The following MCM9 variants were observed in gnomAD, a reference collection of about 807,000 sequenced individuals.
MCM9 encodes DNA helicase MCM9.
A neutral mutation model predicts 72.8 loss-of-function variants in MCM9; 55 were observed. That is an observed-to-expected ratio of 0.76 (90% CI 0.61 to 0.95). MCM9 has a LOEUF of 0.95. MCM9 is among the 40% of genes least tolerant of loss of function. MCM9 has a pLI of 0.00. For missense variants in MCM9, 1,279 were observed against 1,377.0 expected, an observed-to-expected ratio of 0.93 and a Z score of 1.13; for synonymous variants, 480 against 503.4, an observed-to-expected ratio of 0.95 and a Z score of 0.62.
In MCM9 at chr6:118,911,670, C is replaced by T. The variant is rs748606557; in HGVS notation, c.1130G>A (p.Gly377Glu). Residue 377 changes from glycine to glutamate, a missense_variant, in exon 8 of 14, where the codon GGA (glycine) becomes GAA (glutamate). Gly to Glu is a moderately conservative substitution (Grantham distance 98). Transcript: ENST00000619706. Reference protein sequence around the residue: ...KITPRSVLTTGIGSTSAGLTV... With the variant: ...KITPRSVLTTEIGSTSAGLTV... ...AATACCTGCACTAGTAGATCCAATT[C>T]CTGTGGTCAGCACAGATCTTGGTGT... The T allele has an allele frequency of 6.2e-7, 1 of 1,611,484 alleles. No homozygotes were observed. Among genetic ancestry groups the T allele is most frequent in the South Asian group, 1.1e-5 (1 of 90,694 alleles).
intron 8 of MCM9, among the ~76,000 whole-genome samples, chr6:118,888,715 T>A (rs751713344): frequency 1.8e-4 from 27 of 152,318 alleles, no homozygotes; most frequent in South Asian, 1.0e-3. Flanking sequence ...AAACGTGGTA[T>A]ACCTATACAA....
chr6:118,923,520 A>G (rs1028815728), intron 4 of MCM9, among the ~76,000 whole-genome samples: 2 of 152,176 alleles, frequency 1.3e-5, no homozygotes, highest in African/African-American at 2.4e-5. Context: ...ATTTTCTTCT[A>G]TTCTTCAGTT....
At chr6:118,924,265 T>G in intron 3 of MCM9, 138 bp from the exon 4 acceptor site, 1 of 759,974 alleles carries the variant, frequency 1.3e-6, no homozygotes, top group South Asian at 1.8e-5. Context: ...TAAGAAAAAA[T>G]CAGATCATCA....
intron 8 of MCM9, chr6:118,908,349 A>G (rs1373294482): frequency 6.6e-6 from 1 of 152,180 alleles, no homozygotes; most frequent in Non-Finnish European, 1.5e-5. Context: ...GACCAAATAC[A>G]ATATCGGGAG....
chr6:118,815,478 C>T lies in MCM9; in HGVS notation c.2778G>A (p.Lys926=), dbSNP rs1773352606. The part of the protein sequence containing the change: ...PVAKLAKFTF[K]QKSKLIHSFE... ...AGGAGTGGATCAGTTTTGACTTCTG[C>T]TTGAAAGTAAATTTTGCCAGTTTGG... Residue 926 remains lysine (K), a synonymous_variant, in exon 14 of 14, where the codon AAG becomes AAA. Transcript: ENST00000619706. 6.5e-7 allele frequency: 1 copy of T among 1,547,942 alleles called. No individual in the cohort carries two copies. The highest frequency in any genetic ancestry group is 1.4e-5 in the African/African-American group (1 of 72,920).
intron 8 of MCM9, among the ~76,000 whole-genome samples, chr6:118,899,589 C>T (rs1361775076): frequency 6.6e-6 from 1 of 152,118 alleles, no homozygotes; most frequent in African/African-American, 2.4e-5. Context: ...TGGTTTAGTT[C>T]TAGGACAGAG....
At position 118,931,555 on chromosome 6, in the gene MCM9, AT is replaced by A; in HGVS notation, c.168del (p.Glu56AspfsTer23). ...ACTTCACTGGGGAACATGTTGAAAT[AT>A]TCCCCGATTTCCATGTTGGTCTCAA... ...TLFETNMEIG[E>X]YFNMFPSEVL... On this transcript the variant is annotated frameshift_variant, in exon 3 of 14. Transcript: ENST00000619706. LOFTEE classifies it high-confidence loss of function. The A allele has an allele frequency of 6.2e-7, 1 of 1,614,144 alleles. No individual in the cohort carries two copies.
intron 8 of MCM9, among the ~76,000 whole-genome samples, chr6:118,877,311 T>C (rs150281371): frequency 0.01 from 1,582 of 152,286 alleles, 29 homozygotes; most frequent in African/African-American, 0.036. Flanking sequence ...AGTTTTGAAG[T>C]GGTCTCTTAC....
chr6:118,931,727 G>T lies in MCM9; in HGVS notation c.-4C>A. Reference sequence around the variant, plus strand: ...GTGTAACTTGATCGCTATTCATCTTGAATCTAGGTAACTAAAGAAAAAAAA... The same window carrying T: ...GTGTAACTTGATCGCTATTCATCTTTAATCTAGGTAACTAAAGAAAAAAAA... On this transcript the variant is annotated 5_prime_UTR_variant, in exon 3 of 14. Transcript: ENST00000619706. 1 of 1,588,490 alleles carries T rather than the reference G, an allele frequency of 6.3e-7. No individual in the cohort carries two copies. Among genetic ancestry groups the T allele is most frequent in the South Asian group, 1.2e-5 (1 of 86,916 alleles).
At chr6:118,847,745 C>T (rs991865647) in intron 9 of MCM9, among the ~76,000 whole-genome samples, 1 of 151,768 alleles carries the variant, frequency 6.6e-6, no homozygotes, top group Admixed American at 6.6e-5. Flanking sequence ...TCTAGAAAAA[C>T]TGACCAGGAA....
At position 118,934,907 on chromosome 6, in the gene MCM9, C is replaced by T. The variant is rs1224250519; in HGVS notation, c.-166G>A. 6.6e-6 allele frequency: 1 copy of T among 152,252 alleles called. No homozygotes were observed. The highest frequency in any genetic ancestry group is 1.9e-4 in the East Asian group (1 of 5,196). 9.4% of individuals were successfully genotyped at this position (152,252 alleles called of 1,614,324 possible). ...ATCACTTACTGGCTGTGTCAGAAGTCGCCGGGAACGCGTTGCTCCCGAGGC... is the reference window on the plus strand; with the variant it reads ...ATCACTTACTGGCTGTGTCAGAAGTTGCCGGGAACGCGTTGCTCCCGAGGC... On this transcript the variant is annotated 5_prime_UTR_variant, in exon 1 of 14. Coordinates refer to ENST00000619706, the MANE Select transcript of MCM9 (RefSeq NM_017696.3).
intron 6 of MCM9, among the ~76,000 whole-genome samples, chr6:118,914,829 G>A (rs1780813803): frequency 6.6e-6 from 1 of 152,110 alleles, no homozygotes; most frequent in Admixed American, 6.6e-5. Flanking sequence ...GACAGGCTCT[G>A]GTGTCATGTT....
chr6:118,815,756 C>T lies in MCM9; in HGVS notation c.2500G>A (p.Asp834Asn). 2 of 1,542,718 alleles carry T rather than the reference C, an allele frequency of 1.3e-6. No individual in the cohort carries two copies. Among genetic ancestry groups the T allele is most frequent in the African/African-American group, 2.7e-5 (2 of 73,130 alleles). ...TGAGTCAGTACTGAGTCTGGTTTATCAGCAGAGACTGCTGCTTCAGAATCT... is the reference window on the plus strand; with the variant it reads ...TGAGTCAGTACTGAGTCTGGTTTATTAGCAGAGACTGCTGCTTCAGAATCT... ...ALDSEAAVSADKPDSVLTHHV... is the reference protein window; with the variant it reads ...ALDSEAAVSANKPDSVLTHHV... The change falls in exon 14 of 14, where the codon GAT becomes AAT. Residue 834 changes from aspartate to asparagine, a missense_variant. Coordinates refer to ENST00000619706, the MANE Select transcript of MCM9 (RefSeq NM_017696.3).
intron 8 of MCM9, chr6:118,894,116 G>T: frequency 8.5e-7 from 1 of 1,173,052 alleles, no homozygotes; most frequent in South Asian, 2.5e-5. Context: ...AGCCCATCTT[G>T]CTGGCTGCCG....
intron 8 of MCM9, among the ~76,000 whole-genome samples, chr6:118,896,675 G>C (rs948298027): frequency 1.3e-5 from 2 of 152,054 alleles, no homozygotes; most frequent in African/African-American, 4.8e-5. Context: ...GAGTCATACT[G>C]AAGCTGCAAA....
At chr6:118,823,308 T>C (rs926418813) in intron 13 of MCM9, among the ~76,000 whole-genome samples, 1 of 152,114 alleles carries the variant, frequency 6.6e-6, no homozygotes, top group African/African-American at 2.4e-5. Context: ...CCAGGCCAGG[T>C]AGCACAGTCC....
rs562644310 is a variant in MCM9, at chr6:118,817,849, T to C, written c.1962-1555A>G. Among the ~76,000 whole-genome samples the C allele has an allele frequency of 3.3e-5, 5 of 152,346 alleles. No homozygotes were observed. The East Asian group carries it at 9.6e-4, about 29-fold the overall frequency. ...CACCATTCTAACTGGTGTAAGATGG[T>C]ATCTCATTGTGGTTTTGATTTGCAT... On this transcript the variant is annotated intron_variant, in intron 13 of 13. Coordinates refer to ENST00000619706, the MANE Select transcript of MCM9 (RefSeq NM_017696.3).
intron 9 of MCM9, among the ~76,000 whole-genome samples, chr6:118,834,931 C>T (rs538130059): frequency 1.3e-5 from 2 of 152,042 alleles, no homozygotes; most frequent in African/African-American, 4.8e-5. Flanking sequence ...CTTTGCCCAT[C>T]CCTATGTCCT....
intron 9 of MCM9, among the ~76,000 whole-genome samples, chr6:118,836,219 G>A (rs985839602): frequency 6.6e-6 from 1 of 152,186 alleles, no homozygotes; most frequent in Admixed American, 6.5e-5. Flanking sequence ...TGGTGGACAG[G>A]CTTTTTGATG....
Sources: allele counts gnomAD v4.1 joint callset (sites outside exome capture counted in the v4.1 genomes callset), GRCh38; gene constraint gnomAD v4.1.1; transcripts MANE v1.5; gene names NCBI Gene and HGNC (gene_info 2026-07-23, HGNC 2026-07-21).